Variants in STK3 observed in about 807,000 individuals in gnomAD.
The protein encoded by STK3 is serine/threonine-protein kinase 3.
STK3 carries 41 observed loss-of-function variants against 58.0 expected under a neutral mutation model. That is an observed-to-expected ratio of 0.71 (90% CI 0.55 to 0.92). The LOEUF is 0.92. Ranked by LOEUF, STK3 falls within the 40% of genes least tolerant of loss-of-function variation. STK3 has a pLI of 0.00. For missense variants in STK3, 479 were observed against 602.7 expected (o/e 0.79, Z 2.15); for synonymous variants, 170 against 191.0 (o/e 0.89, Z 0.91).
At chr8:98,921,567 T>C (rs1839564375) in intron 1 of STK3, 1 of 152,258 alleles carries the variant, frequency 6.6e-6, no homozygotes, top group Non-Finnish European at 1.5e-5. Context: ...GTTGAATCTT[T>C]AATGTTCAAG....
At chr8:98,388,556 G>A (rs188349481), upstream of STK3, among the ~76,000 whole-genome samples, 9 of 152,250 alleles carry the variant, frequency 5.9e-5, no homozygotes, top group Middle Eastern at 3.4e-3. Context: ...ATCTAATCAT[G>A]GTTTCCAGGA....
chr8:98,940,147 C>A (rs2132063585), intron 1 of STK3, among the ~76,000 whole-genome samples: 2 of 151,962 alleles, frequency 1.3e-5, no homozygotes, highest in East Asian at 3.9e-4. Flanking sequence ...CGGCGTGCGG[C>A]GCGGGCCTGG....
At chr8:98,372,863 C>T (rs1470403606) in intron 2 of STK3, among the ~76,000 whole-genome samples, 1 of 152,160 alleles carries the variant, frequency 6.6e-6, no homozygotes, top group Non-Finnish European at 1.5e-5. Context: ...AGCCTGGTGT[C>T]CTCATTTACA....
chr8:98,795,098 AAAAAAATATAT>A (rs1241420067), intron 1 of STK3, among the ~76,000 whole-genome samples: 1 of 51,654 alleles, frequency 1.9e-5, no homozygotes, highest in Non-Finnish European at 3.5e-5. Flanking sequence ...AAAAAAAAAA[AAAAAAATATAT>A]ATATATATAT....
chr8:98,512,146 G>A (rs919405302), intron 10 of STK3, among the ~76,000 whole-genome samples: 18 of 150,526 alleles, frequency 1.2e-4, no homozygotes, highest in African/African-American at 3.7e-4. Flanking sequence ...AACAGGCTCC[G>A]GATTGTGATG....
At chr8:98,862,286 C>T (rs1425481038) in intron 3 of STK3, among the ~76,000 whole-genome samples, 2 of 152,198 alleles carry the variant, frequency 1.3e-5, no homozygotes, top group African/African-American at 4.8e-5. Flanking sequence ...GAAGCTAACA[C>T]AGACATTGGT....
At chr8:98,917,075 T>C (rs1384295075) in intron 1 of STK3, among the ~76,000 whole-genome samples, 1 of 152,194 alleles carries the variant, frequency 6.6e-6, no homozygotes, top group East Asian at 1.9e-4. Context: ...GCCCATGTTC[T>C]TGGAGCACAA....
chr8:98,812,609 C>T (rs550179100), intron 1 of STK3, among the ~76,000 whole-genome samples: 2 of 152,298 alleles, frequency 1.3e-5, no homozygotes, highest in Admixed American at 6.5e-5. Context: ...TGGCACAATT[C>T]ACAATAGCGA....
chr8:98,650,696 A>C lies in STK3; in HGVS notation c.685-54527T>G, dbSNP rs552546920. 3.3e-5 allele frequency among the ~76,000 whole-genome samples: 5 copies of C among 152,324 alleles called. No homozygotes were observed. The South Asian group carries it at 6.2e-4, about 19-fold the overall frequency. On this transcript the variant is annotated intron_variant, in intron 6 of 10. Coordinates refer to ENST00000419617, the MANE Select transcript of STK3 (RefSeq NM_006281.4). ...CGCACCAGGAGATTATATCCCGCCC[A>C]TGGCTCGGAGGGTCCTACGCCCACG... is the stretch of plus-strand genomic sequence containing the variant.
At chr8:98,821,231 T>C (rs1387977448) in intron 1 of STK3, among the ~76,000 whole-genome samples, 1 of 152,128 alleles carries the variant, frequency 6.6e-6, no homozygotes, top group Non-Finnish European at 1.5e-5. Flanking sequence ...GTGCGAACCC[T>C]ATTGTGCTGT....
chr8:98,347,966 G>T, the STK3 span, among the ~76,000 whole-genome samples: 1 of 152,152 alleles, frequency 6.6e-6, no homozygotes, highest in Admixed American at 6.6e-5. Flanking sequence ...ACACAATATT[G>T]AGGGACAAGA....
chr8:98,442,244 A>G (rs1173649871), intron 1 of STK3, among the ~76,000 whole-genome samples: 4 of 152,338 alleles, frequency 2.6e-5, no homozygotes, highest in Admixed American at 2.6e-4. Flanking sequence ...GAACTAGAAC[A>G]AAAGCCTTCC....
chr8:98,447,690 A>C (rs1819017122), intron 1 of STK3, among the ~76,000 whole-genome samples: 1 of 147,248 alleles, frequency 6.8e-6, no homozygotes, highest in Admixed American at 6.9e-5. Context: ...TATATATTGC[A>C]ATACTATATA....
intron 3 of STK3, among the ~76,000 whole-genome samples, chr8:98,830,786 A>C (rs1464345190): frequency 1.3e-5 from 2 of 151,912 alleles, no homozygotes; most frequent in Admixed American, 6.6e-5. Context: ...CTGGCTAACA[A>C]GGTGAAACCC....
intron 6 of STK3, among the ~76,000 whole-genome samples, chr8:98,701,253 G>C (rs556209977): frequency 6.8e-6 from 1 of 147,896 alleles, no homozygotes; most frequent in Non-Finnish European, 1.5e-5. Flanking sequence ...AAGAAAGAGG[G>C]AAGGAAGGAC....
chr8:98,424,072 G>T (rs1351449163), intron 3 of STK3, among the ~76,000 whole-genome samples: 1 of 152,244 alleles, frequency 6.6e-6, no homozygotes, highest in African/African-American at 2.4e-5. Flanking sequence ...CAGCTTCCCC[G>T]GTATGGAAGG....
intron 2 of STK3, among the ~76,000 whole-genome samples, chr8:98,376,381 G>A (rs749522650): frequency 2.6e-5 from 4 of 152,138 alleles, no homozygotes; most frequent in Middle Eastern, 3.4e-3. Context: ...TTGGCTTTTT[G>A]TTCTCTTAGC....
chr8:98,730,345 TAC>T (rs1476634375), intron 4 of STK3, among the ~76,000 whole-genome samples: 1 of 152,186 alleles, frequency 6.6e-6, no homozygotes, highest in Non-Finnish European at 1.5e-5. Context: ...CACCCAATAT[TAC>T]AGAAATAGAT....
chr8:98,701,889 A>G (rs1825653535), intron 6 of STK3, among the ~76,000 whole-genome samples: 1 of 152,150 alleles, frequency 6.6e-6, no homozygotes, highest in African/African-American at 2.4e-5. Flanking sequence ...AATTTGTTTC[A>G]CTTAACATTC....
Sources: gnomAD v4.1 joint callset for allele counts (sites outside exome capture counted in the v4.1 genomes callset) on GRCh38, gnomAD v4.1.1 for gene constraint, MANE v1.5 for transcripts, NCBI Gene and HGNC (gene_info 2026-07-23, HGNC 2026-07-21) for gene names.